Variants in ANK2 observed in about 807,000 individuals in gnomAD.
ANK2 encodes the protein ankyrin-2.
A neutral mutation model predicts 360.5 loss-of-function variants in ANK2; 83 were observed. That is an observed-to-expected ratio of 0.23 (90% CI 0.19 to 0.28). ANK2 has a LOEUF of 0.28. Among genes scored for constraint, ANK2 ranks in the 10% least tolerant of loss-of-function variants. ANK2 has a pLI of 1.00. For synonymous variants in ANK2, 1,740 were observed against 1,759.5 expected, an observed-to-expected ratio of 0.99 and a Z score of 0.28; for missense variants, 4,201 against 4,795.7, an observed-to-expected ratio of 0.88 and a Z score of 3.66.
At chr4:113,346,070 T>C in intron 35 of ANK2, 48 bp downstream of exon 35, 2 of 1,607,204 alleles carry the variant, frequency 1.2e-6, no homozygotes, top group Non-Finnish European at 1.7e-6. Flanking sequence ...TAGGAATTGA[T>C]TTTTAAATCT....
At chr4:113,204,267 A>T (rs1171056822) in intron 4 of ANK2, among the ~76,000 whole-genome samples, 1 of 151,386 alleles carries the variant, frequency 6.6e-6, no homozygotes, top group Non-Finnish European at 1.5e-5. Flanking sequence ...TTTTTACATG[A>T]TAAAAAAGGT....
chr4:113,097,015 CT>C (rs2091337646), intron 1 of ANK2, among the ~76,000 whole-genome samples: 1 of 150,504 alleles, frequency 6.6e-6, no homozygotes, highest in African/African-American at 2.5e-5. Context: ...TTATTTGGAC[CT>C]TTCTGTGGCA....
the ANK2 span, among the ~76,000 whole-genome samples, chr4:112,811,212 C>CA: frequency 6.6e-6 from 1 of 151,962 alleles, no homozygotes; most frequent in Non-Finnish European, 1.5e-5. Flanking sequence ...GCTGGGATTA[C>CA]AGGCGTGAGC....
At chr4:113,040,075 T>A (rs1321465150) in intron 2 of ANK2, among the ~76,000 whole-genome samples, 2 of 152,032 alleles carry the variant, frequency 1.3e-5, no homozygotes, top group African/African-American at 4.8e-5. Context: ...AATGTGCTAT[T>A]TATTTGCATT....
intron 1 of ANK2, among the ~76,000 whole-genome samples, chr4:113,128,177 G>C (rs989407601): frequency 2.0e-5 from 3 of 152,170 alleles, no homozygotes; most frequent in African/African-American, 7.2e-5. Flanking sequence ...AGTAGGAAGA[G>C]AATGAAGTTT....
chr4:113,287,127 G>A (rs1160755577), intron 18 of ANK2, among the ~76,000 whole-genome samples: 1 of 152,158 alleles, frequency 6.6e-6, no homozygotes, highest in Non-Finnish European at 1.5e-5. Context: ...TTTGGGTGCT[G>A]GAGAAAGTTT....
the ANK2 span, among the ~76,000 whole-genome samples, chr4:112,729,353 T>C: frequency 6.6e-6 from 1 of 151,784 alleles, no homozygotes; most frequent in African/African-American, 2.4e-5. Context: ...CCAAAGAAAA[T>C]GAAATCAGTA....
chr4:113,060,853 A>G (rs1204456477), intron 1 of ANK2, among the ~76,000 whole-genome samples: 1 of 152,082 alleles, frequency 6.6e-6, no homozygotes, highest in African/African-American at 2.4e-5. Flanking sequence ...GAAGCTTTAT[A>G]GTTGGTATTT....
chr4:113,256,337 T>C (rs1419660298), intron 11 of ANK2, among the ~76,000 whole-genome samples: 1 of 152,218 alleles, frequency 6.6e-6, no homozygotes, highest in African/African-American at 2.4e-5. Context: ...AAAAAATTAA[T>C]GGTGAATATA....
At chr4:113,150,162 A>G (rs754768721) in intron 1 of ANK2, among the ~76,000 whole-genome samples, 3 of 152,104 alleles carry the variant, frequency 2.0e-5, no homozygotes, top group African/African-American at 7.2e-5. Context: ...ACTTGTTTAC[A>G]GTTTGAATTG....
the ANK2 span, among the ~76,000 whole-genome samples, chr4:112,710,961 T>TTTA: frequency 9.4e-6 from 1 of 106,782 alleles, no homozygotes; most frequent in Non-Finnish European, 1.9e-5. Context: ...TTATTTATTT[T>TTTA]TTATTATAAA....
intron 39 of ANK2, among the ~76,000 whole-genome samples, chr4:113,362,708 C>T (rs1392383439): frequency 1.3e-5 from 2 of 152,158 alleles, no homozygotes; most frequent in Non-Finnish European, 2.9e-5. Context: ...ACCTCAGCCT[C>T]CTAAAGTTCT....
At chr4:113,106,783 TA>T (rs2093677418) in intron 1 of ANK2, 1 of 404,620 alleles carries the variant, frequency 2.5e-6, no homozygotes, top group Non-Finnish European at 5.0e-6. Context: ...CAATATTTCA[TA>T]GGTGTGCCAA....
At chr4:113,366,844 G>A (rs891064944) in intron 41 of ANK2, among the ~76,000 whole-genome samples, 3 of 152,224 alleles carry the variant, frequency 2.0e-5, no homozygotes, top group Non-Finnish European at 4.4e-5. Context: ...GGGGACGGAA[G>A]CTTTTTATAT....
intron 2 of ANK2, among the ~76,000 whole-genome samples, chr4:113,021,541 CATATATATATATATATAT>C (rs57817594): frequency 0.21 from 19,927 of 95,648 alleles, 3,011 homozygotes; most frequent in East Asian, 0.45. Context: ...CACACACAAA[CATATATATATATATATAT>C]ATATATATAT....
At chr4:113,068,361 C>T (rs1040095197) in intron 1 of ANK2, among the ~76,000 whole-genome samples, 2 of 152,152 alleles carry the variant, frequency 1.3e-5, no homozygotes, top group Non-Finnish European at 2.9e-5. Context: ...TACTGGAAGT[C>T]CTTGGAGGAT....
chr4:112,724,997 C>A, the ANK2 span, among the ~76,000 whole-genome samples: 6 of 152,092 alleles, frequency 3.9e-5, no homozygotes, highest in African/African-American at 1.4e-4. Context: ...GAAACACATT[C>A]AGCCGGGTGC....
chr4:112,878,601 C>T (rs767368847), intron 1 of ANK2, among the ~76,000 whole-genome samples: 23 of 152,162 alleles, frequency 1.5e-4, no homozygotes, highest in Non-Finnish European at 2.8e-4. Context: ...GTTGGGATTA[C>T]AGGCGTGAGC....
chr4:113,152,224 C>T (rs1375308858), intron 1 of ANK2: 1 of 151,594 alleles, frequency 6.6e-6, no homozygotes, highest in Non-Finnish European at 1.5e-5. Context: ...AATAATATCT[C>T]TTCTGCTATA....
Sources: gnomAD v4.1 joint callset for allele counts (sites outside exome capture counted in the v4.1 genomes callset) on GRCh38, gnomAD v4.1.1 for gene constraint, MANE v1.5 for transcripts, NCBI Gene and HGNC (gene_info 2026-07-23, HGNC 2026-07-21) for gene names.